Variants in UCHL1 observed in about 807,000 individuals in gnomAD.
UCHL1 encodes ubiquitin C-terminal hydrolase L1.
In UCHL1, 5 loss-of-function variants were observed where a neutral mutation model predicts 33.3. The observed-to-expected ratio is 0.15, with a 90% CI of 0.08 to 0.32. UCHL1 has a LOEUF of 0.32. Ranked by LOEUF, UCHL1 falls within the 10% of genes least tolerant of loss-of-function variation. The pLI is 1.00. For missense variants in UCHL1, 236 were observed against 280.0 expected, an observed-to-expected ratio of 0.84 and a Z score of 1.12; for synonymous variants, 132 against 108.8, an observed-to-expected ratio of 1.21 and a Z score of -1.33.
chr4:41,259,828 C>T (rs74289114), intron 3 of UCHL1, among the ~76,000 whole-genome samples: 18,199 of 152,256 alleles, frequency 0.12, 1,696 homozygotes, highest in East Asian at 0.44. Flanking sequence ...CTGACCCTGG[C>T]TCAAGAAATC....
chr4:41,267,862 T>C (rs1781179082), intron 8 of UCHL1, 125 bp from the exon 9 acceptor site: 2 of 880,936 alleles, frequency 2.3e-6, no homozygotes, highest in Admixed American at 4.1e-5. Context: ...GGTTTTCAAA[T>C]TAATGATGGA....
At chr4:41,263,972 C>T in intron 7 of UCHL1, 131 bp from the exon 8 acceptor site, 1 of 1,171,992 alleles carries the variant, frequency 8.5e-7, no homozygotes. Flanking sequence ...CCTCTTGCTT[C>T]ATAACCAGGC....
chr4:41,263,299 T>C lies in UCHL1; in HGVS notation c.526+8T>C. On this transcript the variant is annotated splice_region_variant and intron_variant, in intron 7 of 8. Transcript: ENST00000284440. ...GCCACCTCTATGAACTTGGTATGTT[T>C]TACTCCATTTTTGGAACCCAGTGTA... The C allele has an allele frequency of 6.2e-7, 1 of 1,613,810 alleles. No homozygotes were observed. The highest frequency in any genetic ancestry group is 8.5e-7 in the Non-Finnish European group (1 of 1,179,700).
At chr4:41,267,622 TC>T (rs977691245) in intron 8 of UCHL1, among the ~76,000 whole-genome samples, 22 of 152,356 alleles carry the variant, frequency 1.4e-4, no homozygotes, top group Admixed American at 1.4e-3. Context: ...TTACAACTTT[TC>T]ACTTATGCCA....
Position 41,261,741 on chromosome 4 carries a change from C to A in UCHL1, c.352C>A (p.Leu118Ile), listed in dbSNP as rs1450617746. 2 of 1,613,100 alleles carry A rather than the reference C, an allele frequency of 1.2e-6. No individual in the cohort carries two copies. Among genetic ancestry groups the A allele is most frequent in the East Asian group, 2.2e-5 (1 of 44,878 alleles). ...FEDGSVLKQF[L>I]SETEKMSPED... ...GGATGGATCAGTTCTGAAACAGTTT[C>A]TTTCTGAAACAGAGAAAATGTCCCC... is the stretch of plus-strand genomic sequence containing the variant. The change falls in exon 5 of 9, where the codon CTT (leucine) becomes ATT (isoleucine). Residue 118 changes from leucine (L) to isoleucine (I), a missense_variant. Physicochemically the swap from Leu to Ile is conservative, Grantham distance 5. Transcript: ENST00000284440.
At chr4:41,265,825 T>C (rs1426313899) in intron 8 of UCHL1, among the ~76,000 whole-genome samples, 1 of 152,166 alleles carries the variant, frequency 6.6e-6, no homozygotes, top group African/African-American at 2.4e-5. Context: ...GGAATAGTAA[T>C]ATGGAATGAA....
chr4:41,268,162 C>A lies in UCHL1; in HGVS notation c.*89C>A. On this transcript the variant is annotated 3_prime_UTR_variant, in exon 9 of 9. Transcript: ENST00000284440. ...CCATGCAGTCTAAAATGCTTCAGTA[C>A]TTGTGAAACACAGCTGTTCTTCTGT... 2 of 1,231,400 alleles carry A rather than the reference C, an allele frequency of 1.6e-6. No homozygotes were observed. Among genetic ancestry groups the A allele is most frequent in the Non-Finnish European group, 2.3e-6 (2 of 854,980 alleles). The allele number at this position is 1,231,400 out of a possible 1,614,324, so 76.3% of individuals were successfully genotyped here. A position where few individuals can be genotyped will look rare whatever the true frequency, so the allele number is the denominator to read the frequency against.
At chr4:41,258,675 A>G (rs1781023248) in intron 3 of UCHL1, among the ~76,000 whole-genome samples, 1 of 152,228 alleles carries the variant, frequency 6.6e-6, no homozygotes, top group African/African-American at 2.4e-5. Flanking sequence ...AGTGAGGTTA[A>G]CTGAAGCACC....
At chr4:41,263,980 G>C (rs1350749691) in intron 7 of UCHL1, 123 bp from the exon 8 acceptor site, 1 of 1,255,452 alleles carries the variant, frequency 8.0e-7, no homozygotes, top group African/African-American at 1.5e-5. Context: ...TTCATAACCA[G>C]GCTTCCTTCT....
chr4:41,257,730 C>A lies in UCHL1; in HGVS notation c.167C>A (p.Thr56Lys). 1 of 1,577,952 alleles carries A rather than the reference C, an allele frequency of 6.3e-7. No individual in the cohort carries two copies. The highest frequency in any genetic ancestry group is 8.6e-7 in the Non-Finnish European group (1 of 1,166,184). ...ACALLLLFPL[T>K]AQHENFRKKQ... ...GCGCTGCTGCTGCTGTTTCCCCTCA[C>A]GGCCCAGGTAGGGCGTGGGGCCCAG... is the stretch of plus-strand genomic sequence containing the variant. The change falls in exon 3 of 9, where the codon ACG becomes AAG. Residue 56 changes from threonine (T) to lysine (K), a missense_variant. By Grantham distance (78) the Thr-to-Lys change is moderately conservative. Coordinates refer to ENST00000284440, the MANE Select transcript of UCHL1 (RefSeq NM_004181.5).
At chr4:41,266,247 T>TA (rs1388751318) in intron 8 of UCHL1, among the ~76,000 whole-genome samples, 2 of 143,604 alleles carry the variant, frequency 1.4e-5, no homozygotes, top group Non-Finnish European at 3.1e-5. Flanking sequence ...TTTTTTTTTT[T>TA]AACTTTTCTA....
chr4:41,268,199 G>A lies in UCHL1; in HGVS notation c.*126G>A, dbSNP rs918190793. Reference sequence around the variant, plus strand: ...AGCTGTTCTTCTGTTCTGCAGACACGCCTTCCCCTCAGCCACACCCAGGCA... The same window carrying A: ...AGCTGTTCTTCTGTTCTGCAGACACACCTTCCCCTCAGCCACACCCAGGCA... On this transcript the variant is annotated 3_prime_UTR_variant, in exon 9 of 9. Transcript: ENST00000284440. 44 of 924,258 alleles carry A rather than the reference G, an allele frequency of 4.8e-5. No homozygotes were observed. The highest frequency in any genetic ancestry group is 2.7e-4 in the South Asian group (19 of 70,174). The allele number at this position is 924,258 out of a possible 1,614,324, so 57.3% of individuals were successfully genotyped here. A position where few individuals can be genotyped will look rare whatever the true frequency, so the allele number is the denominator to read the frequency against.
At chr4:41,257,810 T>TCCCCG (rs1438996834) in intron 3 of UCHL1, 73 bp downstream of exon 3, 78 of 1,507,290 alleles carry the variant, frequency 5.2e-5, no homozygotes, top group Non-Finnish European at 6.3e-5. Flanking sequence ...CCTCGGGGGC[T>TCCCCG]CCCCGCCCCG....
chr4:41,257,444 C>T (rs1300267597), intron 2 of UCHL1, 165 bp from the exon 3 acceptor site: 1 of 1,038,018 alleles, frequency 9.6e-7, no homozygotes, highest in Admixed American at 3.9e-5. Flanking sequence ...GCGCTTTGTG[C>T]TGTGTCATTG....
rs539881118 is a variant in UCHL1, at chr4:41,263,924, GGGATGGATGCCTA to G, written c.527-176_527-164del. Among the ~76,000 whole-genome samples, 622 of 152,326 alleles carry G rather than the reference GGGATGGATGCCTA, an allele frequency of 4.1e-3. 5 individuals carry two copies. Among genetic ancestry groups the G allele is most frequent in the African/African-American group, 0.015 (603 of 41,576 alleles). On this transcript the variant is annotated intron_variant, in intron 7 of 8. Transcript: ENST00000284440. ...TGTCAATTGTAGACTAGAATTGCCTGGGATGGATGCCTAGGGACACTTGAACCTCATTTGCAGC... is the reference window on the plus strand; with the variant it reads ...TGTCAATTGTAGACTAGAATTGCCTGGGGACACTTGAACCTCATTTGCAGC...
intron 8 of UCHL1, among the ~76,000 whole-genome samples, chr4:41,265,759 TGTCA>T (rs1415992504): frequency 6.6e-6 from 1 of 152,210 alleles, no homozygotes; most frequent in Non-Finnish European, 1.5e-5. Flanking sequence ...TTCTCTCATC[TGTCA>T]GACACACCTG....
intron 3 of UCHL1, among the ~76,000 whole-genome samples, chr4:41,258,067 G>A (rs1781012443): frequency 6.6e-6 from 1 of 152,198 alleles, no homozygotes; most frequent in Admixed American, 6.5e-5. Flanking sequence ...CCGGTTCCGG[G>A]GAATGGCTGC....
intron 3 of UCHL1, 99 bp from the exon 4 acceptor site, chr4:41,260,548 A>T (rs1008615288): frequency 8.1e-5 from 116 of 1,432,292 alleles, no homozygotes; most frequent in Non-Finnish European, 1.1e-4. Context: ...CTGGTCACAC[A>T]TCCCACTGGT....
chr4:41,256,985 C>T lies in UCHL1; in HGVS notation c.9C>T (p.Leu3=). 1.2e-6 allele frequency: 2 copies of T among 1,613,958 alleles called. No individual in the cohort carries two copies. The highest frequency in any genetic ancestry group is 1.3e-5 in the African/African-American group (1 of 75,066). The change falls in exon 1 of 9, where the codon CTC becomes CTT. Residue 3 remains leucine, a synonymous_variant. Coordinates refer to ENST00000284440, the MANE Select transcript of UCHL1 (RefSeq NM_004181.5). ...CCGGGCGCTCCGCGAAGATGCAGCTCAAGCCGATGGAGATCAACCCCGAGG... is the reference window on the plus strand; with the variant it reads ...CCGGGCGCTCCGCGAAGATGCAGCTTAAGCCGATGGAGATCAACCCCGAGG... MQ[L]KPMEINPEML... is the part of the protein sequence containing the mutation.
Sources: gnomAD v4.1 joint callset for allele counts (sites outside exome capture counted in the v4.1 genomes callset) on GRCh38, gnomAD v4.1.1 for gene constraint, MANE v1.5 for transcripts, NCBI Gene and HGNC (gene_info 2026-07-23, HGNC 2026-07-21) for gene names.